OTULINL: variants seen among roughly 807,000 people sequenced by gnomAD.
The protein encoded by OTULINL is inactive ubiquitin thioesterase OTULINL.
Under a neutral mutation model 43.9 loss-of-function variants are expected in OTULINL, and 42 were observed. The ratio of observed to expected loss-of-function variants is 0.96; its 90% CI spans 0.75 to 1.24. OTULINL has a LOEUF of 1.24. Among genes scored for constraint, OTULINL ranks in the 50% most tolerant of loss-of-function variants. The pLI is 0.00. For missense variants in OTULINL, 411 were observed against 426.4 expected, an observed-to-expected ratio of 0.96 and a Z score of 0.32; for synonymous variants, 172 against 153.6, an observed-to-expected ratio of 1.12 and a Z score of -0.88.
At chr5:14,587,458 T>A (rs1759126518) in intron 1 of OTULINL, among the ~76,000 whole-genome samples, 1 of 152,258 alleles carries the variant, frequency 6.6e-6, no homozygotes, top group African/African-American at 2.4e-5. Context: ...ATCAGCAATT[T>A]GTCATTTTAC....
intron 1 of OTULINL, among the ~76,000 whole-genome samples, chr5:14,595,286 G>A (rs1759266992): frequency 6.6e-6 from 1 of 152,180 alleles, no homozygotes; most frequent in African/African-American, 2.4e-5. Flanking sequence ...CCATGAATAA[G>A]ATCAGGAGAG....
chr5:14,609,645 T>G (rs1377819230), intron 7 of OTULINL, among the ~76,000 whole-genome samples: 1 of 52,804 alleles, frequency 1.9e-5, no homozygotes, highest in Non-Finnish European at 3.9e-5. Context: ...TTTTTTTTTT[T>G]TTTGAGACGG....
intron 1 of OTULINL, among the ~76,000 whole-genome samples, chr5:14,589,435 A>G (rs774357599): frequency 7.2e-5 from 11 of 152,098 alleles, no homozygotes; most frequent in African/African-American, 1.7e-4. Flanking sequence ...CACTCCTCCT[A>G]TTGGAGCAAG....
At chr5:14,607,491 G>T in intron 6 of OTULINL, 33 bp downstream of exon 6, 1 of 1,611,438 alleles carries the variant, frequency 6.2e-7, no homozygotes, top group South Asian at 1.1e-5. Context: ...AAAAGACTAG[G>T]AATAAAAGCA....
chr5:14,599,705 T>C (rs1281743542), intron 1 of OTULINL, among the ~76,000 whole-genome samples: 1 of 152,230 alleles, frequency 6.6e-6, no homozygotes, highest in Non-Finnish European at 1.5e-5. Context: ...GGTTTGGTCA[T>C]TATTCAAAGT....
Position 14,614,172 on chromosome 5 carries a change from A to C in OTULINL, c.*3858A>C, listed in dbSNP as rs1203417826. ...AGAATGTTTTTCACACTGCTTAATAAGACCAGTTAATGTGTAAAACAGAAA... is the reference window on the plus strand; with the variant it reads ...AGAATGTTTTTCACACTGCTTAATACGACCAGTTAATGTGTAAAACAGAAA... On this transcript the variant is annotated 3_prime_UTR_variant, in exon 8 of 8. Transcript: ENST00000274217. 6.8e-6 allele frequency among the ~76,000 whole-genome samples: 1 copy of C among 147,122 alleles called. No individual in the cohort carries two copies. The highest frequency in any genetic ancestry group is 1.5e-5 in the Non-Finnish European group (1 of 67,300).
chr5:14,613,417 G>A lies in OTULINL; in HGVS notation c.*3103G>A, dbSNP rs1178426137. On this transcript the variant is annotated 3_prime_UTR_variant, in exon 8 of 8. Transcript: ENST00000274217. ...TTTCATCATACCTCTTCTAATCTGAGTATTTCCTCTGGGCTTAAAAGAGCC... is the reference window on the plus strand; with the variant it reads ...TTTCATCATACCTCTTCTAATCTGAATATTTCCTCTGGGCTTAAAAGAGCC... 1.3e-5 allele frequency among the ~76,000 whole-genome samples: 2 copies of A among 152,046 alleles called. No homozygotes were observed. Among genetic ancestry groups the A allele is most frequent in the Non-Finnish European group, 2.9e-5 (2 of 68,020 alleles).
Position 14,615,520 on chromosome 5 carries a change from A to G in OTULINL, c.*5206A>G, listed in dbSNP as rs530081652. On this transcript the variant is annotated 3_prime_UTR_variant, in exon 8 of 8. Transcript: ENST00000274217. ...GAAGTTTCAGTGTAATGTGATTCCTAGTAGGCACATCTGTGACTCCCTTAA... is the reference window on the plus strand; with the variant it reads ...GAAGTTTCAGTGTAATGTGATTCCTGGTAGGCACATCTGTGACTCCCTTAA... 6.6e-6 allele frequency among the ~76,000 whole-genome samples: 1 copy of G among 152,304 alleles called. No homozygotes were observed. The highest frequency in any genetic ancestry group is 1.9e-4 in the East Asian group (1 of 5,178).
At chr5:14,595,640 CTTTTTTTTTTTT>C (rs61482298) in intron 1 of OTULINL, among the ~76,000 whole-genome samples, 1 of 57,094 alleles carries the variant, frequency 1.8e-5, no homozygotes, top group Non-Finnish European at 3.1e-5. Context: ...AAAAACGGTG[CTTTTTTTTTTTT>C]TTTTTTTTTT....
In OTULINL at chr5:14,601,129, G is replaced by A; in HGVS notation, c.224+5G>A. On this transcript the variant is annotated splice_donor_5th_base_variant and intron_variant, in intron 2 of 7. Coordinates refer to ENST00000274217, the MANE Select transcript of OTULINL (RefSeq NM_019018.3). ...TTCAGGGCACAAGCTGAAATGGTAG[G>A]TCACTGTATCATCCTTAAATTTCAA... 1 of 1,611,274 alleles carries A rather than the reference G, an allele frequency of 6.2e-7. No homozygotes were observed. Among genetic ancestry groups the A allele is most frequent in the Non-Finnish European group, 8.5e-7 (1 of 1,178,776 alleles).
intron 4 of OTULINL, 126 bp downstream of exon 4, chr5:14,601,568 C>A: frequency 1.2e-6 from 1 of 868,690 alleles, no homozygotes; most frequent in Non-Finnish European, 1.8e-6. Context: ...CAAGTAACAA[C>A]TGTGGCTCTA....
intron 1 of OTULINL, among the ~76,000 whole-genome samples, chr5:14,588,044 A>T (rs563958468): frequency 4.6e-5 from 7 of 152,220 alleles, no homozygotes; most frequent in Non-Finnish European, 1.0e-4. Context: ...GATCTGTAGG[A>T]CCCAGCATGA....
intron 5 of OTULINL, among the ~76,000 whole-genome samples, chr5:14,606,287 C>G (rs1490732022): frequency 6.6e-6 from 1 of 152,170 alleles, no homozygotes; most frequent in Non-Finnish European, 1.5e-5. Context: ...GAGACCAGCA[C>G]AGGAAAAAGA....
At chr5:14,601,545 C>T (rs945038193) in intron 4 of OTULINL, 103 bp downstream of exon 4, 2 of 1,037,358 alleles carry the variant, frequency 1.9e-6, no homozygotes, top group Non-Finnish European at 2.8e-6. Context: ...TCCATCAGTA[C>T]CAAAATGTGA....
intron 1 of OTULINL, among the ~76,000 whole-genome samples, chr5:14,590,635 C>G (rs1027720451): frequency 1.3e-5 from 2 of 152,180 alleles, no homozygotes; most frequent in Non-Finnish European, 2.9e-5. Context: ...CAAGATCACA[C>G]TGAACCCAGG....
intron 5 of OTULINL, among the ~76,000 whole-genome samples, chr5:14,606,144 C>G (rs1386787482): frequency 6.6e-6 from 1 of 152,178 alleles, no homozygotes; most frequent in Non-Finnish European, 1.5e-5. Flanking sequence ...CTGGGGAAGC[C>G]TCACAATCAT....
chr5:14,607,374 G>C lies in OTULINL; in HGVS notation c.543G>C (p.Gln181His). Residue 181 changes from glutamine (Q) to histidine (H), a missense_variant, in exon 6 of 8, where the codon CAG (glutamine) becomes CAC (histidine). By Grantham distance (24) the Gln-to-His change is conservative (BLOSUM62 0). Coordinates refer to ENST00000274217, the MANE Select transcript of OTULINL (RefSeq NM_019018.3). ...LLFSQGCNWI[Q>H]QYSFGPEKYT... is the part of the protein sequence containing the mutation. Reference sequence around the variant, plus strand: ...TTTCACAAGGTTGTAATTGGATTCAGCAGTACAGTTTTGGTCCTGAGAAGT... The same window carrying C: ...TTTCACAAGGTTGTAATTGGATTCACCAGTACAGTTTTGGTCCTGAGAAGT... 6.2e-7 allele frequency: 1 copy of C among 1,614,140 alleles called. No homozygotes were observed. The highest frequency in any genetic ancestry group is 1.3e-5 in the African/African-American group (1 of 75,054).
intron 5 of OTULINL, among the ~76,000 whole-genome samples, chr5:14,602,547 T>G (rs565348733): frequency 6.6e-6 from 1 of 152,148 alleles, no homozygotes; most frequent in African/African-American, 2.4e-5. Flanking sequence ...GTGATTCTCC[T>G]ATCTCAGCCT....
chr5:14,604,618 C>A (rs1241109081), intron 5 of OTULINL, among the ~76,000 whole-genome samples: 1 of 152,194 alleles, frequency 6.6e-6, no homozygotes, highest in Non-Finnish European at 1.5e-5. Context: ...TAATCAAAAG[C>A]AGTTTAGTTA....
Sources: allele counts gnomAD v4.1 joint callset (sites outside exome capture counted in the v4.1 genomes callset), GRCh38; gene constraint gnomAD v4.1.1; transcripts MANE v1.5; gene names NCBI Gene and HGNC (gene_info 2026-07-23, HGNC 2026-07-21).